The following SH3GL2 variants were observed in gnomAD, a reference collection of about 807,000 sequenced individuals.
SH3GL2 encodes the protein SH3 domain containing GRB2 like 2, endophilin A1.
A neutral mutation model predicts 46.0 loss-of-function variants in SH3GL2; 24 were observed. The observed-to-expected ratio is 0.52, with a 90% CI of 0.38 to 0.73. The LOEUF (loss-of-function observed/expected upper bound fraction) is 0.73, where lower values mean the gene tolerates loss of function less well. SH3GL2 is among the 30% of genes least tolerant of loss of function. The pLI, the probability that SH3GL2 is intolerant of heterozygous loss-of-function variation, is 0.00. For synonymous variants in SH3GL2, 196 were observed against 147.1 expected (o/e 1.33, Z -2.40); for missense variants, 413 against 424.2 (o/e 0.97, Z 0.23).
chr9:17,620,659 G>A (rs1413689440), intron 1 of SH3GL2, among the ~76,000 whole-genome samples: 3 of 152,158 alleles, frequency 2.0e-5, no homozygotes, highest in Non-Finnish European at 4.4e-5. Context: ...CAATGGGATT[G>A]GAGAGAAATG....
intron 3 of SH3GL2, among the ~76,000 whole-genome samples, chr9:17,781,588 C>T (rs1823811838): frequency 6.6e-6 from 1 of 152,122 alleles, no homozygotes; most frequent in Non-Finnish European, 1.5e-5. Context: ...AGTGGAGTTA[C>T]TGGGTTGCAG....
At chr9:17,759,172 A>T (rs575945024) in intron 2 of SH3GL2, among the ~76,000 whole-genome samples, 2 of 152,300 alleles carry the variant, frequency 1.3e-5, no homozygotes, top group African/African-American at 4.8e-5. Flanking sequence ...TGCAGGTACC[A>T]GTCTCTGTAG....
At chr9:17,737,349 A>T (rs894434793) in intron 1 of SH3GL2, among the ~76,000 whole-genome samples, 1 of 152,160 alleles carries the variant, frequency 6.6e-6, no homozygotes, top group Non-Finnish European at 1.5e-5. Flanking sequence ...CTTAAAATAT[A>T]ATTTTAAAAA....
At chr9:17,595,778 A>G (rs1310443049) in intron 1 of SH3GL2, among the ~76,000 whole-genome samples, 1 of 152,222 alleles carries the variant, frequency 6.6e-6, no homozygotes, top group Non-Finnish European at 1.5e-5. Flanking sequence ...GCCATAAAGC[A>G]GATATGTAAT....
At chr9:17,603,721 G>C (rs752185859) in intron 1 of SH3GL2, among the ~76,000 whole-genome samples, 2 of 152,110 alleles carry the variant, frequency 1.3e-5, no homozygotes, top group Non-Finnish European at 2.9e-5. Context: ...TTAGCCGAGT[G>C]TGGTGGTGCA....
chr9:17,605,866 G>T (rs1242821803), intron 1 of SH3GL2, among the ~76,000 whole-genome samples: 1 of 152,142 alleles, frequency 6.6e-6, no homozygotes, highest in Non-Finnish European at 1.5e-5. Flanking sequence ...CAGTAGGGAT[G>T]CCTTCCTGTA....
At chr9:17,616,363 G>A (rs1818997488) in intron 1 of SH3GL2, among the ~76,000 whole-genome samples, 1 of 152,066 alleles carries the variant, frequency 6.6e-6, no homozygotes, top group African/African-American at 2.4e-5. Context: ...CATAATATAT[G>A]GGTATAACTT....
intron 1 of SH3GL2, among the ~76,000 whole-genome samples, chr9:17,732,387 GAT>G (rs907556797): frequency 7.9e-5 from 12 of 152,084 alleles, no homozygotes; most frequent in Admixed American, 2.0e-4. Flanking sequence ...AGGATAAGCA[GAT>G]CAAATTAGTA....
At position 17,796,464 on chromosome 9, in the gene SH3GL2, G is replaced by T. The variant is rs1824276340; in HGVS notation, c.*721G>T. 1 of 151,974 alleles carries T rather than the reference G, an allele frequency of 6.6e-6. No homozygotes were observed. Among genetic ancestry groups the T allele is most frequent in the Non-Finnish European group, 1.5e-5 (1 of 68,032 alleles). The allele number at this position is 151,974 out of a possible 1,614,324, so 9.4% of individuals were successfully genotyped here. A position where few individuals can be genotyped will look rare whatever the true frequency, so the allele number is the denominator to read the frequency against. Reference sequence around the variant, plus strand: ...CTGAAAAGAAATTCTCCATTATGAGGAATTGGGAAGAAATCTGGTATCCAA... The same window carrying T: ...CTGAAAAGAAATTCTCCATTATGAGTAATTGGGAAGAAATCTGGTATCCAA... On this transcript the variant is annotated 3_prime_UTR_variant, in exon 9 of 9. Coordinates refer to ENST00000380607, the MANE Select transcript of SH3GL2 (RefSeq NM_003026.5).
At chr9:17,629,663 C>T (rs1230300811) in intron 1 of SH3GL2, among the ~76,000 whole-genome samples, 1 of 152,110 alleles carries the variant, frequency 6.6e-6, no homozygotes, top group Non-Finnish European at 1.5e-5. Flanking sequence ...TATATCCTTG[C>T]CATTTTTCAT....
intron 3 of SH3GL2, among the ~76,000 whole-genome samples, chr9:17,778,546 A>C (rs1290944739): frequency 1.3e-5 from 2 of 152,096 alleles, no homozygotes; most frequent in Admixed American, 6.6e-5. Flanking sequence ...TTTGATTCCT[A>C]CCCTGAATGA....
rs527273749 is a variant in SH3GL2, at chr9:17,658,633, C to T, written c.45+79346C>T. 4.6e-5 allele frequency among the ~76,000 whole-genome samples: 7 copies of T among 152,304 alleles called. No homozygotes were observed. In the South Asian group the frequency reaches 1.0e-3, roughly 23 times the overall value. ...TTTAAACTTAAACTAGATGTTTATT[C>T]GAGGGCAGCTTTAAGCTGCATTTGC... On this transcript the variant is annotated intron_variant, in intron 1 of 8. Coordinates refer to ENST00000380607, the MANE Select transcript of SH3GL2 (RefSeq NM_003026.5).
intron 1 of SH3GL2, among the ~76,000 whole-genome samples, chr9:17,704,993 C>G (rs1303462162): frequency 1.3e-5 from 2 of 151,872 alleles, no homozygotes; most frequent in African/African-American, 4.8e-5. Context: ...TATTTGCAAA[C>G]TATGCATGCA....
At chr9:17,674,158 T>A (rs1408696306) in intron 1 of SH3GL2, among the ~76,000 whole-genome samples, 1 of 152,258 alleles carries the variant, frequency 6.6e-6, no homozygotes, top group African/African-American at 2.4e-5. Context: ...AGTAACATGT[T>A]CTTTGTATTT....
intron 1 of SH3GL2, among the ~76,000 whole-genome samples, chr9:17,669,560 C>T (rs911256792): frequency 1.3e-5 from 2 of 152,122 alleles, no homozygotes; most frequent in Admixed American, 6.5e-5. Flanking sequence ...AACATCTTTT[C>T]TCAGTGCAGT....
chr9:17,602,597 A>G (rs1818691617), intron 1 of SH3GL2, among the ~76,000 whole-genome samples: 1 of 152,094 alleles, frequency 6.6e-6, no homozygotes, highest in South Asian at 2.1e-4. Flanking sequence ...TCCCATGTAG[A>G]CCTGGCAGTA....
At chr9:17,636,047 A>G (rs1329216785) in intron 1 of SH3GL2, among the ~76,000 whole-genome samples, 5 of 152,196 alleles carry the variant, frequency 3.3e-5, no homozygotes, top group Non-Finnish European at 7.4e-5. Flanking sequence ...AAGTTTGATT[A>G]TCTTATATCT....
chr9:17,628,714 A>AT (rs1004864216), intron 1 of SH3GL2, among the ~76,000 whole-genome samples: 14 of 151,768 alleles, frequency 9.2e-5, no homozygotes, highest in South Asian at 2.1e-4. Flanking sequence ...TTCTGGGTAG[A>AT]TTTTTTTCTA....
intron 1 of SH3GL2, among the ~76,000 whole-genome samples, chr9:17,624,947 A>C (rs1188582381): frequency 6.6e-6 from 1 of 152,218 alleles, no homozygotes; most frequent in Non-Finnish European, 1.5e-5. Context: ...TTTGATTTGC[A>C]ATTGGTAAAT....
Sources: gnomAD v4.1 joint callset for allele counts (sites outside exome capture counted in the v4.1 genomes callset) on GRCh38, gnomAD v4.1.1 for gene constraint, MANE v1.5 for transcripts, NCBI Gene and HGNC (gene_info 2026-07-23, HGNC 2026-07-21) for gene names.